The following SPATA13 variants were observed in gnomAD, a reference collection of about 807,000 sequenced individuals.
The protein encoded by SPATA13 is spermatogenesis-associated protein 13.
In SPATA13, 50 loss-of-function variants were observed where a neutral mutation model predicts 104.0. The observed-to-expected ratio is 0.48, with a 90% CI of 0.38 to 0.61. SPATA13 has a LOEUF of 0.61. SPATA13 is among the 20% of genes least tolerant of loss of function. The probability of loss-of-function intolerance (pLI) is 0.00; values close to 1 mark genes in which losing one functional copy is unlikely to be tolerated. For synonymous variants in SPATA13, 606 were observed against 667.5 expected, an observed-to-expected ratio of 0.91 and a Z score of 1.42; for missense variants, 1,524 against 1,690.6, an observed-to-expected ratio of 0.90 and a Z score of 1.73.
chr13:24,198,720 G>A (rs1870229773), intron 1 of SPATA13, among the ~76,000 whole-genome samples: 1 of 152,066 alleles, frequency 6.6e-6, no homozygotes, highest in Non-Finnish European at 1.5e-5. Context: ...GCCAAGTCTG[G>A]GTCGTCCTGT....
At chr13:24,066,370 G>A (rs935944180) in intron 3 of SPATA13, among the ~76,000 whole-genome samples, 2 of 152,144 alleles carry the variant, frequency 1.3e-5, no homozygotes, top group Admixed American at 6.6e-5. Flanking sequence ...TGCAGATGGG[G>A]AAACTGAGAC....
In SPATA13 at chr13:24,286,368, C is replaced by G. The variant is rs371187650; in HGVS notation, c.2456C>G (p.Ala819Gly). The change falls in exon 6 of 13, where the codon GCC becomes GGC. Residue 819 changes from alanine (A) to glycine (G), a missense_variant. Physicochemically the swap from Ala to Gly is moderately conservative, Grantham distance 60 (BLOSUM62 0). Around this residue, in one of 2 missense-constraint regions of SPATA13, gnomAD observed 1,089 missense variants for 1,135.9 expected, o/e 0.96. Transcript: ENST00000382108. The surrounding 1 kb of genome is among the most constrained non-coding windows in gnomAD (Gnocchi z 4.9). The stretch of plus-strand genomic sequence containing the variant: ...TGGGGCCGCAGTGAAGATAAGGAAG[C>G]CTGGTTCCCCGCGAGCTTCGTCAGA... ...WWWGRSEDKE[A>G]WFPASFVRLR... is the part of the protein sequence containing the mutation. The G allele has an allele frequency of 2.9e-5, 46 of 1,612,606 alleles. No homozygotes were observed. The African/African-American group carries it at 5.9e-4, about 21-fold the overall frequency.
chr13:24,148,103 G>A (rs1881991398), intron 3 of SPATA13, among the ~76,000 whole-genome samples: 2 of 152,096 alleles, frequency 1.3e-5, no homozygotes, highest in South Asian at 2.1e-4. Flanking sequence ...GTTCTTTTCC[G>A]CATACACCCA....
chr13:24,081,773 G>A (rs2137778608), intron 3 of SPATA13, among the ~76,000 whole-genome samples: 1 of 152,256 alleles, frequency 6.6e-6, no homozygotes, highest in South Asian at 2.1e-4. Context: ...GGCAGTCCTG[G>A]AGCTCATTCC....
chr13:24,069,952 G>A (rs1293394623), intron 3 of SPATA13, among the ~76,000 whole-genome samples: 1 of 152,194 alleles, frequency 6.6e-6, no homozygotes, highest in East Asian at 1.9e-4. Flanking sequence ...AGTTCACTCT[G>A]GGAGGGCATT....
intron 2 of SPATA13, chr13:24,017,614 A>G (rs952372386): frequency 3.1e-6 from 3 of 955,994 alleles, no homozygotes. Context: ...AACCTCAGCT[A>G]ACCTGTTTTC....
At chr13:24,125,232 G>C (rs1201918527) in intron 3 of SPATA13, among the ~76,000 whole-genome samples, 2 of 152,236 alleles carry the variant, frequency 1.3e-5, no homozygotes, top group East Asian at 3.8e-4. Context: ...CACGTCTCTT[G>C]CTTTCTTCAG....
chr13:24,052,841 G>GCCCCCCCGCCCCC (rs1555257406), intron 3 of SPATA13, among the ~76,000 whole-genome samples: 3 of 58,966 alleles, frequency 5.1e-5, no homozygotes, highest in East Asian at 4.0e-4. Context: ...GATCCTCCCC[G>GCCCCCCCGCCCCC]CCACTGTGCC....
upstream of SPATA13, among the ~76,000 whole-genome samples, chr13:24,156,825 A>G: frequency 6.6e-6 from 1 of 152,192 alleles, no homozygotes; most frequent in Non-Finnish European, 1.5e-5. Flanking sequence ...CCTAGAACCC[A>G]CATGGACAGA....
intron 3 of SPATA13, among the ~76,000 whole-genome samples, chr13:24,104,695 T>C (rs1005095102): frequency 1.3e-5 from 2 of 152,216 alleles, no homozygotes; most frequent in Non-Finnish European, 2.9e-5. Flanking sequence ...AAGGCACAAT[T>C]AACTGAGGAT....
chr13:24,024,263 A>T (rs1253745176), intron 3 of SPATA13, among the ~76,000 whole-genome samples: 2 of 150,992 alleles, frequency 1.3e-5, no homozygotes, highest in Non-Finnish European at 2.9e-5. Context: ...GATTCTTCAG[A>T]CTATAGGACT....
chr13:24,226,575 T>C (rs906986840), intron 2 of SPATA13, among the ~76,000 whole-genome samples: 1 of 152,240 alleles, frequency 6.6e-6, no homozygotes, highest in African/African-American at 2.4e-5. Context: ...GGGAAATGCA[T>C]TCATGTGTAT....
intron 12 of SPATA13, 138 bp from the exon 13 acceptor site, chr13:24,302,459 CA>C (rs71070678): frequency 0.014 from 2,618 of 192,778 alleles, no homozygotes; most frequent in South Asian, 0.026. Flanking sequence ...GACCCTGTCT[CA>C]AAAAAAAAAA....
chr13:24,246,677 G>C (rs947251456), intron 2 of SPATA13, among the ~76,000 whole-genome samples: 3 of 152,114 alleles, frequency 2.0e-5, no homozygotes, highest in Non-Finnish European at 4.4e-5. Flanking sequence ...GGCCAACATG[G>C]TGAAACCGTG....
chr13:24,111,083 G>A (rs909431730), intron 3 of SPATA13, among the ~76,000 whole-genome samples: 4 of 151,230 alleles, frequency 2.6e-5, no homozygotes, highest in Admixed American at 2.6e-4. Flanking sequence ...GATTTTTTTT[G>A]TATTCTTCTA....
chr13:24,238,866 C>T (rs141630856), intron 2 of SPATA13, among the ~76,000 whole-genome samples: 51 of 152,322 alleles, frequency 3.3e-4, no homozygotes, highest in African/African-American at 1.1e-3. Flanking sequence ...CAGCAGAACA[C>T]ATTAGATTCT....
intron 4 of SPATA13, among the ~76,000 whole-genome samples, chr13:24,263,750 A>C (rs1228527718): frequency 6.6e-6 from 1 of 152,260 alleles, no homozygotes; most frequent in East Asian, 1.9e-4. Flanking sequence ...TTGAGTCCAC[A>C]GATGTGTAAC....
chr13:24,010,417 G>A (rs1876417073), intron 2 of SPATA13, among the ~76,000 whole-genome samples: 1 of 150,682 alleles, frequency 6.6e-6, no homozygotes, highest in African/African-American at 2.4e-5. Flanking sequence ...TAAAGATCTT[G>A]AGGAGTTTCC....
chr13:24,129,952 T>A (rs1881340645), intron 3 of SPATA13, among the ~76,000 whole-genome samples: 1 of 151,936 alleles, frequency 6.6e-6, no homozygotes, highest in Admixed American at 6.5e-5. Context: ...TGCTCCCGGG[T>A]GGAGAAATTC....
Sources: gnomAD v4.1 joint callset for allele counts (sites outside exome capture counted in the v4.1 genomes callset) on GRCh38, gnomAD v4.1.1 for gene constraint, gnomAD v4.1.1 regional missense constraint, Gnocchi (gnomAD v3.1) non-coding constraint, MANE v1.5 for transcripts, NCBI Gene and HGNC (gene_info 2026-07-23, HGNC 2026-07-21) for gene names.